The following TRIM37 variants were observed in gnomAD, a reference collection of about 807,000 sequenced individuals.
The protein encoded by TRIM37 is tripartite motif containing 37.
Under a neutral mutation model 129.8 loss-of-function variants are expected in TRIM37, and 80 were observed. That is an observed-to-expected ratio of 0.62 (90% CI 0.51 to 0.74). The LOEUF is 0.74. Ranked by LOEUF, TRIM37 falls within the 30% of genes least tolerant of loss-of-function variation. The probability of loss-of-function intolerance (pLI) is 0.00; values close to 1 mark genes in which losing one functional copy is unlikely to be tolerated. For synonymous variants in TRIM37, 389 were observed against 387.1 expected, an observed-to-expected ratio of 1.00 and a Z score of -0.06; for missense variants, 1,054 against 1,176.5, an observed-to-expected ratio of 0.90 and a Z score of 1.52.
At chr17:59,102,965 C>T (rs1451070450) in intron 2 of TRIM37, among the ~76,000 whole-genome samples, 1 of 151,886 alleles carries the variant, frequency 6.6e-6, no homozygotes, top group Non-Finnish European at 1.5e-5. Flanking sequence ...CTCTGCCTCC[C>T]GGGTTCAAGT....
intron 3 of TRIM37, among the ~76,000 whole-genome samples, chr17:59,088,691 A>AT (rs2147224480): frequency 6.6e-6 from 1 of 151,872 alleles, no homozygotes; most frequent in East Asian, 1.9e-4. Flanking sequence ...TAATTTTAAA[A>AT]TTTTTTGTAG....
At chr17:59,046,304 C>T (rs1464693028) in intron 16 of TRIM37, among the ~76,000 whole-genome samples, 2 of 152,058 alleles carry the variant, frequency 1.3e-5, no homozygotes, top group Non-Finnish European at 2.9e-5. Context: ...AGAAACCTGG[C>T]GGATGCTACC....
chr17:59,104,082 A>G (rs2045776486), intron 2 of TRIM37, among the ~76,000 whole-genome samples: 2 of 152,202 alleles, frequency 1.3e-5, no homozygotes, highest in South Asian at 2.1e-4. Flanking sequence ...ACATTCTTCA[A>G]AATAAACATT....
At chr17:59,067,557 T>C (rs1372103287) in intron 9 of TRIM37, among the ~76,000 whole-genome samples, 1 of 152,226 alleles carries the variant, frequency 6.6e-6, no homozygotes, top group Non-Finnish European at 1.5e-5. Flanking sequence ...TAAAAACTGG[T>C]TCTCCTTATC....
At chr17:59,030,527 A>G (rs891923621) in intron 18 of TRIM37, among the ~76,000 whole-genome samples, 9 of 152,126 alleles carry the variant, frequency 5.9e-5, no homozygotes, top group African/African-American at 2.2e-4. Context: ...CCCCGCCCTC[A>G]TTATTGCCAG....
chr17:59,011,177 A>G (rs1275210152), intron 22 of TRIM37, among the ~76,000 whole-genome samples: 1 of 152,022 alleles, frequency 6.6e-6, no homozygotes, highest in East Asian at 1.9e-4. Flanking sequence ...TCGGGGAAAA[A>G]AAAAAAACAA....
intron 2 of TRIM37, among the ~76,000 whole-genome samples, chr17:59,101,673 A>ATAT (rs1410514396): frequency 8.6e-6 from 1 of 116,870 alleles, no homozygotes; most frequent in African/African-American, 3.7e-5. Context: ...AAAAAAAAAA[A>ATAT]AAAAATATAT....
At chr17:58,970,697 C>T in the TRIM37 span, among the ~76,000 whole-genome samples, 1 of 152,054 alleles carries the variant, frequency 6.6e-6, no homozygotes, top group Non-Finnish European at 1.5e-5. Context: ...GATTAATATG[C>T]AAATCCAACA....
chr17:59,030,123 T>C (rs1167785782), intron 18 of TRIM37, among the ~76,000 whole-genome samples: 5 of 152,220 alleles, frequency 3.3e-5, no homozygotes, highest in Non-Finnish European at 7.3e-5. Context: ...TCATTTTTTT[T>C]TTTCATGGAG....
Position 59,081,098 on chromosome 17 carries a change from ACTT to A in TRIM37, c.488_490del (p.Glu163del). 1 of 1,608,448 alleles carries A rather than the reference ACTT, an allele frequency of 6.2e-7. No individual in the cohort carries two copies. Among genetic ancestry groups the A allele is most frequent in the Non-Finnish European group, 8.5e-7 (1 of 1,176,280 alleles). ...ATTATATTTTAGTAGTAGTCTTACC[ACTT>A]CTTGAACTAAGCTGATCAGTTCCAT... On this transcript the variant is annotated inframe_deletion and splice_region_variant, in exon 6 of 24. Transcript: ENST00000262294.
chr17:59,050,988 T>A (rs1238445127), intron 14 of TRIM37, among the ~76,000 whole-genome samples: 2 of 151,738 alleles, frequency 1.3e-5, no homozygotes, highest in Non-Finnish European at 2.9e-5. Context: ...TCAAAAAAAA[T>A]AAATAAATAA....
At position 59,091,559 on chromosome 17, in the gene TRIM37, TATATATATA is replaced by T. The variant is rs2044350281; in HGVS notation, c.124-228_124-220del. Among the ~76,000 whole-genome samples, 6 of 4,048 alleles carry T rather than the reference TATATATATA, an allele frequency of 1.5e-3. 1 individual carries two copies. The South Asian group carries it at 0.031, about 21-fold the overall frequency. The allele number at this position is 4,048 out of a possible 152,430, so 2.7% of individuals were successfully genotyped here. A position where few individuals can be genotyped will look rare whatever the true frequency, so the allele number is the denominator to read the frequency against. ...TAATAATGTATAATATATTATACATTATATATATAATATATATAATGTATAATATATTAT... is the reference window on the plus strand; with the variant it reads ...TAATAATGTATAATATATTATACATTATATATATAATGTATAATATATTAT... On this transcript the variant is annotated intron_variant, in intron 2 of 23. Transcript: ENST00000262294.
chr17:59,095,613 T>C (rs1382703267), intron 2 of TRIM37, among the ~76,000 whole-genome samples: 4 of 152,248 alleles, frequency 2.6e-5, no homozygotes, highest in Non-Finnish European at 5.9e-5. Context: ...AGGCCGATCA[T>C]AGAGGATCTT....
At chr17:59,066,259 CAT>C (rs2041914229) in intron 9 of TRIM37, among the ~76,000 whole-genome samples, 1 of 152,154 alleles carries the variant, frequency 6.6e-6, no homozygotes, top group African/African-American at 2.4e-5. Context: ...TCAAATTTGA[CAT>C]GTTTTTGAAA....
Position 59,056,882 on chromosome 17 carries a change from TCA to T in TRIM37, c.1190_1191del (p.Val397AspfsTer31). The T allele has an allele frequency of 6.2e-7, 1 of 1,613,710 alleles. No individual in the cohort carries two copies. The highest frequency in any genetic ancestry group is 8.5e-7 in the Non-Finnish European group (1 of 1,179,860). On this transcript the variant is annotated frameshift_variant, in exon 13 of 24. Transcript: ENST00000262294. LOFTEE classifies it high-confidence loss of function. ...TCAAATTTTTCCTGTTACCTTAAAA[TCA>T]CTGTATCATTTTGTGGATTCAAGTA... ...EGYLNPQNDTVILRFQVRSPT... is the reference protein window; with the variant it reads ...EGYLNPQNDTXILRFQVRSPT...
rs779613026 is a variant in TRIM37, at chr17:59,106,479, G to T, written c.-18C>A. 1.2e-6 allele frequency: 2 copies of T among 1,613,556 alleles called. No individual in the cohort carries two copies. Among genetic ancestry groups the T allele is most frequent in the South Asian group, 2.2e-5 (2 of 91,016 alleles). ...TCATCCATTGCCTCCGGCTCTCGGC[G>T]GGGCCGCTGGCGACCCGCAGGCTCC... On this transcript the variant is annotated 5_prime_UTR_variant, in exon 1 of 24. Transcript: ENST00000262294.
intron 9 of TRIM37, among the ~76,000 whole-genome samples, chr17:59,065,029 C>T (rs1403555939): frequency 2.0e-5 from 3 of 151,978 alleles, no homozygotes; most frequent in African/African-American, 4.8e-5. Context: ...CCAGCGAGGG[C>T]GACAGAGCCA....
chr17:58,971,806 T>C, the TRIM37 span, among the ~76,000 whole-genome samples: 10 of 152,236 alleles, frequency 6.6e-5, no homozygotes, highest in East Asian at 1.9e-3. Flanking sequence ...GAAAAAGAAT[T>C]TCAATTCTGT....
intron 17 of TRIM37, among the ~76,000 whole-genome samples, chr17:59,038,501 T>C (rs1372733231): frequency 1.3e-5 from 2 of 152,272 alleles, no homozygotes; most frequent in African/African-American, 2.4e-5. Context: ...AATTATAACA[T>C]AGGCTCCATA....
Sources: gnomAD v4.1 joint callset for allele counts (sites outside exome capture counted in the v4.1 genomes callset) on GRCh38, gnomAD v4.1.1 for gene constraint, MANE v1.5 for transcripts, NCBI Gene and HGNC (gene_info 2026-07-23, HGNC 2026-07-21) for gene names.